The following DMBX1 variants were observed in gnomAD, a reference collection of about 807,000 sequenced individuals.
DMBX1 encodes the protein diencephalon/mesencephalon homeobox protein 1.
A neutral mutation model predicts 30.4 loss-of-function variants in DMBX1; 7 were observed. The ratio of observed to expected loss-of-function variants is 0.23; its 90% CI spans 0.13 to 0.43. The LOEUF (loss-of-function observed/expected upper bound fraction) is 0.43, where lower values mean the gene tolerates loss of function less well. Among genes scored for constraint, DMBX1 ranks in the 20% least tolerant of loss-of-function variants. DMBX1 has a pLI of 1.00. For missense variants in DMBX1, 460 were observed against 508.5 expected (o/e 0.90, Z 0.92); for synonymous variants, 222 against 214.2 (o/e 1.04, Z -0.32).
At position 46,510,256 on chromosome 1, in the gene DMBX1, G is replaced by A. The variant is rs1666336270; in HGVS notation, c.155-220G>A. 6.6e-6 allele frequency among the ~76,000 whole-genome samples: 1 copy of A among 152,150 alleles called. No homozygotes were observed. Among genetic ancestry groups the A allele is most frequent in the Non-Finnish European group, 1.5e-5 (1 of 68,030 alleles). ...GACAGCCATTTTTGGAGTTGAGTTA[G>A]ACCTCTGTGGTCCTGATAGTGCATA... is the stretch of plus-strand genomic sequence containing the variant. On this transcript the variant is annotated intron_variant, in intron 3 of 5. Coordinates refer to ENST00000360032, the MANE Select transcript of DMBX1 (RefSeq NM_172225.2). This position sits in a 1 kb window ranked among gnomAD's most constrained non-coding sequence, Gnocchi z 4.1.
In DMBX1 at chr1:46,510,613, A is replaced by G. The variant is rs748935460; in HGVS notation, c.292A>G (p.Arg98Gly). 2.8e-5 allele frequency: 45 copies of G among 1,613,964 alleles called. No homozygotes were observed. The highest frequency in any genetic ancestry group is 3.5e-5 in the Non-Finnish European group (41 of 1,180,012). ...THYPDVVMRE[R>G]LAMCTNLPEA... ...CTACCCAGATGTGGTGATGCGTGAG[A>G]GGCTGGCCATGTGCACCAACCTGCC... Residue 98 changes from arginine to glycine, a missense_variant, in exon 4 of 6, where the codon AGG (arginine) becomes GGG (glycine). Arg to Gly is a moderately radical substitution (Grantham distance 125, BLOSUM62 -2). This residue lies in a region of DMBX1 where 124 missense variants were observed against 144.0 expected (regional missense o/e 0.86). Coordinates refer to ENST00000360032, the MANE Select transcript of DMBX1 (RefSeq NM_172225.2). This position sits in a 1 kb window ranked among gnomAD's most constrained non-coding sequence, Gnocchi z 4.1.
rs1358597917 is a variant in DMBX1 at position 46,512,067 on chromosome 1, C to G, written c.707C>G (p.Thr236Ser). The change falls in exon 6 of 6, where the codon ACT (threonine) becomes AGT (serine). Residue 236 changes from threonine to serine, a missense_variant. Around this residue, in one of 3 missense-constraint regions of DMBX1, gnomAD observed 334 missense variants for 345.1 expected, o/e 0.97. Transcript: ENST00000360032. The surrounding 1 kb of genome is among the most constrained non-coding windows in gnomAD (Gnocchi z 4.8). The part of the protein sequence containing the change: ...KADSPGSLTI[T>S]PVAPGGGLLG... ...GATTCCCCAGGCAGCCTGACCATCA[C>G]TCCTGTGGCCCCAGGGGGTGGCCTC... 1.2e-6 allele frequency: 2 copies of G among 1,612,712 alleles called. No individual in the cohort carries two copies. The highest frequency in any genetic ancestry group is 1.7e-6 in the Non-Finnish European group (2 of 1,179,776).
intron 2 of DMBX1, among the ~76,000 whole-genome samples, chr1:46,495,945 TAAG>T (rs1666017294): frequency 6.6e-6 from 1 of 152,100 alleles, no homozygotes; most frequent in South Asian, 2.1e-4. Context: ...ATATGGCTCT[TAAG>T]AAATATGGCT....
In DMBX1 at chr1:46,515,506, C is replaced by T. The variant is rs1043636144; in HGVS notation, c.*3012C>T. ...CTCAGATGTTTGTTAACACTTGTCC[C>T]ATTCAATTGACCCAAATCTGCCAGA... On this transcript the variant is annotated 3_prime_UTR_variant, in exon 6 of 6. Coordinates refer to ENST00000360032, the MANE Select transcript of DMBX1 (RefSeq NM_172225.2). Among the ~76,000 whole-genome samples, 3 of 152,230 alleles carry T rather than the reference C, an allele frequency of 2.0e-5. No homozygotes were observed. The highest frequency in any genetic ancestry group is 7.2e-5 in the African/African-American group (3 of 41,458).
Position 46,491,857 on chromosome 1 carries a change from C to A in DMBX1, c.-13+1074C>A, listed in dbSNP as rs543774613. On this transcript the variant is annotated intron_variant, in intron 2 of 5. Coordinates refer to ENST00000360032, the MANE Select transcript of DMBX1 (RefSeq NM_172225.2). This position sits in a 1 kb window ranked among gnomAD's most constrained non-coding sequence, Gnocchi z 5.5. ...ATTTAGTTCCTACCTCCCCTTTCTGCAAACCAGCTGTGTTTATGTGTGTCT... is the reference window on the plus strand; with the variant it reads ...ATTTAGTTCCTACCTCCCCTTTCTGAAAACCAGCTGTGTTTATGTGTGTCT... Among the ~76,000 whole-genome samples, 1 of 152,310 alleles carries A rather than the reference C, an allele frequency of 6.6e-6. No individual in the cohort carries two copies. The highest frequency in any genetic ancestry group is 2.4e-5 in the African/African-American group (1 of 41,566).
In DMBX1 at chr1:46,507,007, C is replaced by T. The variant is rs753701773; in HGVS notation, c.-4C>T. 2.4e-5 allele frequency: 38 copies of T among 1,613,906 alleles called. No individual in the cohort carries two copies. Among genetic ancestry groups the T allele is most frequent in the East Asian group, 4.5e-5 (2 of 44,896 alleles). The stretch of plus-strand genomic sequence containing the variant: ...CCCTTTTCCGTCTGTAGGCGGATGC[C>T]GCCATGCAGCACTACGGGGTGAACG... On this transcript the variant is annotated 5_prime_UTR_variant, in exon 3 of 6. Coordinates refer to ENST00000360032, the MANE Select transcript of DMBX1 (RefSeq NM_172225.2).
rs1438543464 is a variant in DMBX1 at position 46,510,962 on chromosome 1, T to C, written c.361T>C (p.Phe121Leu). ...GTGGTTCAAGAACCGCCGGGCCAAG[T>C]TCCGGAAGAAGCAGCGTAGCCTGCA... ...QVWFKNRRAK[F>L]RKKQRSLQKE... The change falls in exon 5 of 6, where the codon TTC (phenylalanine) becomes CTC (leucine). Residue 121 changes from phenylalanine (F) to leucine (L), a missense_variant. Coordinates refer to ENST00000360032, the MANE Select transcript of DMBX1 (RefSeq NM_172225.2). The surrounding 1 kb of genome is among the most constrained non-coding windows in gnomAD (Gnocchi z 4.1). The C allele has an allele frequency of 6.2e-7, 1 of 1,608,968 alleles. No homozygotes were observed. The highest frequency in any genetic ancestry group is 1.3e-5 in the African/African-American group (1 of 74,738).
In DMBX1 at chr1:46,512,434, C is replaced by G. The variant is rs779589087; in HGVS notation, c.1074C>G (p.Asn358Lys). ...TLNSKTTSIENLRLRAKQHAA... is the reference protein window; with the variant it reads ...TLNSKTTSIEKLRLRAKQHAA... ...ACAGTAAAACCACAAGCATCGAGAACCTGCGGCTCCGGGCCAAGCAGCACG... is the reference window on the plus strand; with the variant it reads ...ACAGTAAAACCACAAGCATCGAGAAGCTGCGGCTCCGGGCCAAGCAGCACG... The change falls in exon 6 of 6, where the codon AAC becomes AAG. Residue 358 changes from asparagine to lysine, a missense_variant. Physicochemically the swap from Asn to Lys is moderately conservative, Grantham distance 94. Transcript: ENST00000360032. This position sits in a 1 kb window ranked among gnomAD's most constrained non-coding sequence, Gnocchi z 4.8. 5.6e-6 allele frequency: 9 copies of G among 1,613,774 alleles called. No homozygotes were observed. In the East Asian group the frequency reaches 6.7e-5, roughly 12 times the overall value.
chr1:46,512,734 G>A lies in DMBX1; in HGVS notation c.*240G>A, dbSNP rs913020692. The A allele has an allele frequency of 3.8e-6, 2 of 522,248 alleles. No individual in the cohort carries two copies. Among genetic ancestry groups the A allele is most frequent in the South Asian group, 7.3e-5 (2 of 27,518 alleles). The allele number at this position is 522,248 out of a possible 1,614,324, so 32.4% of individuals were successfully genotyped here. On this transcript the variant is annotated 3_prime_UTR_variant, in exon 6 of 6. Transcript: ENST00000360032. The surrounding 1 kb of genome is among the most constrained non-coding windows in gnomAD (Gnocchi z 4.8). ...TAGGGAGGAGGTGAGAGGCTGGGGT[G>A]CCCCAAGCTTCCCTCGGAGAAGTGA...
chr1:46,490,597 A>G (rs546258033), intron 1 of DMBX1, among the ~76,000 whole-genome samples, 47 bp from the exon 2 acceptor site: 92 of 152,326 alleles, frequency 6.0e-4, no homozygotes, highest in Admixed American at 1.8e-3. Flanking sequence ...CGAACCCCGC[A>G]GTGCTCCGGG....
chr1:46,503,486 G>A (rs1025683272), intron 2 of DMBX1, among the ~76,000 whole-genome samples: 1 of 152,218 alleles, frequency 6.6e-6, no homozygotes, highest in African/African-American at 2.4e-5. Flanking sequence ...ACAAATGGAT[G>A]TGAGTGTAAT....
intron 2 of DMBX1, among the ~76,000 whole-genome samples, chr1:46,501,213 C>CTTTCTTT (rs1666121714): frequency 2.7e-5 from 2 of 74,484 alleles, no homozygotes; most frequent in South Asian, 6.6e-4. Context: ...TTCCTTCCTT[C>CTTTCTTT]CTTTCTTTCT....
At chr1:46,507,252 G>A (rs1666256825) in intron 3 of DMBX1, 88 bp downstream of exon 3, 3 of 1,523,312 alleles carry the variant, frequency 2.0e-6, no homozygotes, top group Middle Eastern at 2.0e-4. Context: ...AGGGAGCACT[G>A]GCCAAGCTTG....
chr1:46,509,476 A>G (rs563158809), intron 3 of DMBX1, among the ~76,000 whole-genome samples: 3 of 152,268 alleles, frequency 2.0e-5, no homozygotes, highest in South Asian at 4.2e-4. Flanking sequence ...CTTCAGCACA[A>G]ACAGGGCAGG....
intron 2 of DMBX1, among the ~76,000 whole-genome samples, chr1:46,496,475 T>C (rs915620627): frequency 2.6e-5 from 4 of 152,182 alleles, no homozygotes; most frequent in Admixed American, 6.5e-5. Flanking sequence ...TCATCTGCAA[T>C]GTGGAGAGCG....
At position 46,506,160 on chromosome 1, in the gene DMBX1, C is replaced by T. The variant is rs1403497550; in HGVS notation, c.-12-839C>T. Among the ~76,000 whole-genome samples the T allele has an allele frequency of 2.6e-5, 4 of 152,180 alleles. No individual in the cohort carries two copies. In the East Asian group the frequency reaches 7.7e-4, roughly 29 times the overall value. On this transcript the variant is annotated intron_variant, in intron 2 of 5. Transcript: ENST00000360032. ...GCAACCTCCGCCTCCCAGGTTCAAG[C>T]AATTATCCTGCCTCAGCCTCCCAAG... is the stretch of plus-strand genomic sequence containing the variant.
At chr1:46,507,764 C>T (rs1159107270) in intron 3 of DMBX1, among the ~76,000 whole-genome samples, 1 of 152,116 alleles carries the variant, frequency 6.6e-6, no homozygotes, top group Non-Finnish European at 1.5e-5. Flanking sequence ...CTTTGGAGTC[C>T]TAGACTTGAA....
chr1:46,515,687 C>A lies in DMBX1; in HGVS notation c.*3193C>A, dbSNP rs142320167. 1.3e-5 allele frequency among the ~76,000 whole-genome samples: 2 copies of A among 152,356 alleles called. No individual in the cohort carries two copies. The highest frequency in any genetic ancestry group is 4.8e-5 in the African/African-American group (2 of 41,584). On this transcript the variant is annotated 3_prime_UTR_variant, in exon 6 of 6. Coordinates refer to ENST00000360032, the MANE Select transcript of DMBX1 (RefSeq NM_172225.2). ...AGCGGCACCGTGCATCTCCTCTGAGCACGCTTGTAAGCAGCACCGCGCTTC... is the reference window on the plus strand; with the variant it reads ...AGCGGCACCGTGCATCTCCTCTGAGAACGCTTGTAAGCAGCACCGCGCTTC...
chr1:46,506,877 G>C (rs1338124023), intron 2 of DMBX1, 122 bp from the exon 3 acceptor site: 1 of 1,106,328 alleles, frequency 9.0e-7, no homozygotes, highest in East Asian at 2.5e-5. Flanking sequence ...GCTCCCTTCC[G>C]ATGGAGGGAG....
Sources: allele counts gnomAD v4.1 joint callset (sites outside exome capture counted in the v4.1 genomes callset), GRCh38; gene constraint gnomAD v4.1.1; regional missense constraint gnomAD v4.1.1; non-coding constraint Gnocchi (gnomAD v3.1); transcripts MANE v1.5; gene names NCBI Gene and HGNC (gene_info 2026-07-23, HGNC 2026-07-21).